Variants in BCHE observed in about 807,000 individuals in gnomAD.
BCHE encodes cholinesterase.
Under a neutral mutation model 51.3 loss-of-function variants are expected in BCHE, and 48 were observed. That is an observed-to-expected ratio of 0.94 (90% CI 0.74 to 1.19). The LOEUF (loss-of-function observed/expected upper bound fraction) is 1.19. Among genes scored for constraint, BCHE ranks in the 50% most tolerant of loss-of-function variants. The pLI is 0.00. For synonymous variants in BCHE, 251 were observed against 238.0 expected (o/e 1.05, Z -0.50); for missense variants, 847 against 708.2 (o/e 1.20, Z -2.23).
At chr3:165,809,160 A>G (rs145533122) in intron 2 of BCHE, among the ~76,000 whole-genome samples, 287 of 152,300 alleles carry the variant, frequency 1.9e-3, no homozygotes, top group African/African-American at 6.7e-3. Context: ...TATTTAGCTT[A>G]TGGAAGAAAA....
chr3:165,824,703 G>A (rs1037190359), intron 2 of BCHE, among the ~76,000 whole-genome samples: 11 of 151,858 alleles, frequency 7.2e-5, no homozygotes, highest in African/African-American at 1.2e-4. Context: ...CTTGCATGAC[G>A]TAGAAAATCA....
Position 165,786,263 on chromosome 3 carries a change from T to C in BCHE, c.1566A>G (p.Lys522=), listed in dbSNP as rs1712946713. 6.2e-7 allele frequency: 1 copy of C among 1,612,086 alleles called. No homozygotes were observed. Among genetic ancestry groups the C allele is most frequent in the Admixed American group, 1.7e-5 (1 of 59,856 alleles). ...AGGTTAGATATTTTTGTTCAGTGCT[T>C]TTGAAGACAGGCCAGCTTGTGCTAT... ...QNNSTSWPVF[K]STEQKYLTLN... Residue 522 remains lysine (K), a synonymous_variant, in exon 3 of 4, where the codon AAA becomes AAG. Coordinates refer to ENST00000264381, the MANE Select transcript of BCHE (RefSeq NM_000055.4).
intron 3 of BCHE, among the ~76,000 whole-genome samples, chr3:165,780,792 A>G (rs952847184): frequency 3.4e-4 from 52 of 152,184 alleles, no homozygotes; most frequent in Non-Finnish European, 8.8e-5. Flanking sequence ...GAGAAATAGG[A>G]ATCCTTTTAC....
intron 3 of BCHE, among the ~76,000 whole-genome samples, chr3:165,782,091 C>G (rs1299155875): frequency 2.0e-5 from 3 of 152,014 alleles, no homozygotes; most frequent in Admixed American, 6.6e-5. Flanking sequence ...GTTAGAGGCT[C>G]TCTACATAAA....
intron 2 of BCHE, among the ~76,000 whole-genome samples, chr3:165,797,821 G>A (rs952628262): frequency 6.6e-6 from 1 of 152,100 alleles, no homozygotes; most frequent in East Asian, 1.9e-4. Flanking sequence ...ACTTAGTTTT[G>A]TAGTAGCATA....
At chr3:165,779,729 G>T (rs1418431113) in intron 3 of BCHE, among the ~76,000 whole-genome samples, 4 of 152,022 alleles carry the variant, frequency 2.6e-5, no homozygotes, top group African/African-American at 4.8e-5. Flanking sequence ...ACCTCTTCAA[G>T]GAGAACTACA....
rs1714933478 is a variant in BCHE, at chr3:165,830,603, C to T, written c.431G>A (p.Gly144Asp). 1 of 1,613,964 alleles carries T rather than the reference C, an allele frequency of 6.2e-7. No homozygotes were observed. Among genetic ancestry groups the T allele is most frequent in the Admixed American group, 1.7e-5 (1 of 59,964 alleles). The change falls in exon 2 of 4, where the codon GGT (glycine) becomes GAT (aspartate). Residue 144 changes from glycine to aspartate, a missense_variant. By Grantham distance (94) the Gly-to-Asp change is moderately conservative. Coordinates refer to ENST00000264381, the MANE Select transcript of BCHE (RefSeq NM_000055.4). ...NATVLIWIYG[G>D]GFQTGTSSLH... The stretch of plus-strand genomic sequence containing the variant: ...AGATGATGTTCCAGTTTGAAAACCA[C>T]CACCATAAATCCATATCAATACAGT...
At chr3:165,777,871 T>C in intron 3 of BCHE, 2 of 372,458 alleles carry the variant, frequency 5.4e-6, no homozygotes, top group South Asian at 4.1e-5. Context: ...TAAATATATT[T>C]TCTCTCTTAT....
rs141018321 is a variant in BCHE, at chr3:165,791,302, G to A, written c.1518-4991C>T. Reference sequence around the variant, plus strand: ...AGAGCAAGACTCCATCTTGGGGGGCGGGCGGGAAGGAAAGAATAAGATCTC... The same window carrying A: ...AGAGCAAGACTCCATCTTGGGGGGCAGGCGGGAAGGAAAGAATAAGATCTC... On this transcript the variant is annotated intron_variant, in intron 2 of 3. Coordinates refer to ENST00000264381, the MANE Select transcript of BCHE (RefSeq NM_000055.4). Among the ~76,000 whole-genome samples, 1,052 of 151,848 alleles carry A rather than the reference G, an allele frequency of 6.9e-3. 2 individuals carry two copies. Among genetic ancestry groups the A allele is most frequent in the Non-Finnish European group, 0.011 (737 of 67,898 alleles).
chr3:165,781,295 C>T (rs1352768645), intron 3 of BCHE, among the ~76,000 whole-genome samples: 1 of 151,938 alleles, frequency 6.6e-6, no homozygotes, highest in East Asian at 1.9e-4. Context: ...ATGTTTATTG[C>T]AGCACTATTT....
chr3:165,785,097 G>C (rs975973752), intron 3 of BCHE, among the ~76,000 whole-genome samples: 1 of 151,788 alleles, frequency 6.6e-6, no homozygotes, highest in Non-Finnish European at 1.5e-5. Context: ...TGTGAGTAAT[G>C]TCTGATAATC....
rs149824483 is a variant in BCHE at position 165,803,443 on chromosome 3, A to G, written c.1518-17132T>C. 4.1e-3 allele frequency among the ~76,000 whole-genome samples: 619 copies of G among 152,310 alleles called. 4 individuals are homozygous for G. The highest frequency in any genetic ancestry group is 0.014 in the African/African-American group (582 of 41,554). On this transcript the variant is annotated intron_variant, in intron 2 of 3. Transcript: ENST00000264381. ...AATTTAGTATGCACTTCTAAAAAAA[A>G]TAAAAAGTCATATTCTTACTGAGCC...
intron 2 of BCHE, among the ~76,000 whole-genome samples, chr3:165,791,483 A>T (rs1486286535): frequency 6.6e-6 from 1 of 152,164 alleles, no homozygotes; most frequent in Non-Finnish European, 1.5e-5. Context: ...AATTAGTCAG[A>T]TCTTACATGT....
chr3:165,775,420 G>T (rs1038258425), intron 3 of BCHE, among the ~76,000 whole-genome samples: 6 of 151,698 alleles, frequency 4.0e-5, no homozygotes, highest in African/African-American at 1.2e-4. Flanking sequence ...ATTAGATGTG[G>T]AAGAAAGATG....
At position 165,812,799 on chromosome 3, in the gene BCHE, G is replaced by C. The variant is rs571850332; in HGVS notation, c.1517+16718C>G. On this transcript the variant is annotated intron_variant, in intron 2 of 3. Transcript: ENST00000264381. ...GAATATGCATATACTCTAATCGTGT[G>C]TGAGTATTGGAGAGGTGCTTCCTTA... Among the ~76,000 whole-genome samples the C allele has an allele frequency of 1.4e-4, 21 of 152,018 alleles. No homozygotes were observed. The South Asian group carries it at 4.1e-3, about 30-fold the overall frequency.
In BCHE at chr3:165,799,987, C is replaced by T. The variant is rs1237574568; in HGVS notation, c.1518-13676G>A. On this transcript the variant is annotated intron_variant, in intron 2 of 3. Transcript: ENST00000264381. Reference sequence around the variant, plus strand: ...CTACTATTTGAAAGTGTTACAATGTCCCATTTAGCCTTCAATTATTTCTCA... The same window carrying T: ...CTACTATTTGAAAGTGTTACAATGTTCCATTTAGCCTTCAATTATTTCTCA... Among the ~76,000 whole-genome samples the T allele has an allele frequency of 2.7e-5, 4 of 148,470 alleles. No homozygotes were observed. In the Admixed American group the frequency reaches 2.7e-4, roughly 10 times the overall value.
rs1712941733 is a variant in BCHE, at chr3:165,786,173, T to G, written c.1656A>C (p.Ser552=). Residue 552 remains serine (S), a synonymous_variant, in exon 3 of 4, where the codon TCA becomes TCC. Coordinates refer to ENST00000264381, the MANE Select transcript of BCHE (RefSeq NM_000055.4). ...LRAQQCRFWT[S]FFPKVLEMTG... ...TCATTTCCAAGACTTTTGGAAAAAATGATGTCCAGAATCGACATTGTTGAG... is the reference window on the plus strand; with the variant it reads ...TCATTTCCAAGACTTTTGGAAAAAAGGATGTCCAGAATCGACATTGTTGAG... 3 of 1,612,046 alleles carry G rather than the reference T, an allele frequency of 1.9e-6. No homozygotes were observed. The highest frequency in any genetic ancestry group is 3.3e-4 in the Middle Eastern group (2 of 6,050).
chr3:165,819,253 A>G (rs1275919413), intron 2 of BCHE, among the ~76,000 whole-genome samples: 3 of 53,760 alleles, frequency 5.6e-5, no homozygotes, highest in African/African-American at 2.5e-4. Context: ...TAATTTTTGT[A>G]TTCTTAGTAG....
At chr3:165,805,178 A>G (rs1411499156) in intron 2 of BCHE, among the ~76,000 whole-genome samples, 2 of 152,164 alleles carry the variant, frequency 1.3e-5, no homozygotes, top group Non-Finnish European at 2.9e-5. Context: ...TAATGTTTTG[A>G]AAAAAATAAC....
Sources: gnomAD v4.1 joint callset for allele counts (sites outside exome capture counted in the v4.1 genomes callset) on GRCh38, gnomAD v4.1.1 for gene constraint, MANE v1.5 for transcripts, NCBI Gene and HGNC (gene_info 2026-07-23, HGNC 2026-07-21) for gene names.